Variants in SLC25A42 observed in about 807,000 individuals in gnomAD.
SLC25A42 encodes the protein mitochondrial coenzyme A transporter SLC25A42.
A neutral mutation model predicts 34.7 loss-of-function variants in SLC25A42; 19 were observed. That is an observed-to-expected ratio of 0.55 (90% CI 0.38 to 0.80). The LOEUF is 0.80. Among genes scored for constraint, SLC25A42 ranks in the 30% least tolerant of loss-of-function variants. SLC25A42 has a pLI of 0.00. For missense variants in SLC25A42, 364 were observed against 441.3 expected, an observed-to-expected ratio of 0.82 and a Z score of 1.57; for synonymous variants, 205 against 191.2, an observed-to-expected ratio of 1.07 and a Z score of -0.59.
At chr19:19,091,194 C>T (rs557647232) in intron 1 of SLC25A42, among the ~76,000 whole-genome samples, 3 of 152,166 alleles carry the variant, frequency 2.0e-5, no homozygotes, top group African/African-American at 7.2e-5. Context: ...CGGTGGCTCA[C>T]GCCTGTAATC....
At chr19:19,087,188 A>G (rs1201801677) in intron 1 of SLC25A42, among the ~76,000 whole-genome samples, 2 of 151,892 alleles carry the variant, frequency 1.3e-5, no homozygotes, top group African/African-American at 4.8e-5. Flanking sequence ...CTAATTCCAC[A>G]TATAAATGAG....
At chr19:19,098,962 C>T (rs750582175) in intron 2 of SLC25A42, among the ~76,000 whole-genome samples, 4 of 152,124 alleles carry the variant, frequency 2.6e-5, no homozygotes, top group Admixed American at 6.6e-5. Flanking sequence ...AGGTAACCAC[C>T]GAATGGAGGA....
At chr19:19,093,373 C>T (rs935368839) in intron 1 of SLC25A42, among the ~76,000 whole-genome samples, 5 of 152,218 alleles carry the variant, frequency 3.3e-5, no homozygotes, top group South Asian at 2.1e-4. Context: ...TCCCCGACAC[C>T]GCACACATCT....
intron 2 of SLC25A42, among the ~76,000 whole-genome samples, chr19:19,097,104 C>G (rs1049778397): frequency 1.3e-5 from 2 of 152,168 alleles, no homozygotes; most frequent in African/African-American, 4.8e-5. Context: ...AACCAGAACC[C>G]CCACTGGCCC....
chr19:19,091,648 A>T (rs1010828563), intron 1 of SLC25A42, among the ~76,000 whole-genome samples: 1 of 151,998 alleles, frequency 6.6e-6, no homozygotes, highest in Non-Finnish European at 1.5e-5. Context: ...AGGCTGAGGC[A>T]GGAGGACCAC....
At position 19,089,630 on chromosome 19, in the gene SLC25A42, G is replaced by C. The variant is rs149735642; in HGVS notation, c.-34-6461G>C. Among the ~76,000 whole-genome samples the C allele has an allele frequency of 4.2e-3, 640 of 152,108 alleles. 7 individuals carry two copies. Among genetic ancestry groups the C allele is most frequent in the African/African-American group, 0.015 (618 of 41,500 alleles). ...CACCTGTAATCCCAGCACTTTGGGAGGCCAAGGAGGGTGGATCACCTGAGG... is the reference window on the plus strand; with the variant it reads ...CACCTGTAATCCCAGCACTTTGGGACGCCAAGGAGGGTGGATCACCTGAGG... On this transcript the variant is annotated intron_variant, in intron 1 of 7. Transcript: ENST00000318596.
chr19:19,095,074 G>A (rs1463941348), intron 1 of SLC25A42, among the ~76,000 whole-genome samples: 2 of 152,130 alleles, frequency 1.3e-5, no homozygotes, highest in East Asian at 1.9e-4. Context: ...GGTAGTAAAC[G>A]TCTGTAATCC....
At chr19:19,103,646 C>T (rs1213189043) in intron 3 of SLC25A42, among the ~76,000 whole-genome samples, 1 of 152,194 alleles carries the variant, frequency 6.6e-6, no homozygotes, top group Non-Finnish European at 1.5e-5. Flanking sequence ...CCCCTTCAAA[C>T]AGTTACCAGT....
intron 1 of SLC25A42, among the ~76,000 whole-genome samples, chr19:19,068,440 G>T (rs1282277024): frequency 1.3e-5 from 2 of 151,960 alleles, no homozygotes; most frequent in Non-Finnish European, 2.9e-5. Context: ...GCCGAGGCAG[G>T]TGGATCACTT....
In SLC25A42 at chr19:19,081,965, C is replaced by T. The variant is rs1374201320; in HGVS notation, c.-34-14126C>T. Among the ~76,000 whole-genome samples, 1 of 152,196 alleles carries T rather than the reference C, an allele frequency of 6.6e-6. No homozygotes were observed. Among genetic ancestry groups the T allele is most frequent in the African/African-American group, 2.4e-5 (1 of 41,464 alleles). ...TGGTCACTGGTCGCAAGTCTGGGTA[C>T]ACGTTGTCATGGGAGTGATTGGCCT... On this transcript the variant is annotated intron_variant, in intron 1 of 7. Transcript: ENST00000318596. This position sits in a 1 kb window ranked among gnomAD's most constrained non-coding sequence, Gnocchi z 4.5.
chr19:19,094,057 C>A (rs1191499533), intron 1 of SLC25A42, among the ~76,000 whole-genome samples: 4 of 152,218 alleles, frequency 2.6e-5, no homozygotes, highest in African/African-American at 9.6e-5. Flanking sequence ...GAGGCACATG[C>A]GTCCACCTGA....
At chr19:19,078,574 G>C (rs746889344) in intron 1 of SLC25A42, among the ~76,000 whole-genome samples, 61 of 152,124 alleles carry the variant, frequency 4.0e-4, no homozygotes, top group Non-Finnish European at 7.6e-4. Context: ...TGTACGCAGC[G>C]AGCATGTACG....
At chr19:19,068,259 G>A (rs1477627190) in intron 1 of SLC25A42, among the ~76,000 whole-genome samples, 2 of 151,854 alleles carry the variant, frequency 1.3e-5, no homozygotes, top group African/African-American at 4.8e-5. Context: ...GGAAGCTGAG[G>A]CAGGAGAATT....
chr19:19,069,714 A>C (rs2059619495), intron 1 of SLC25A42, among the ~76,000 whole-genome samples: 1 of 151,794 alleles, frequency 6.6e-6, no homozygotes, highest in African/African-American at 2.4e-5. Flanking sequence ...GAGTGCAGTG[A>C]TATGATCATA....
At chr19:19,064,270 C>T (rs1009678937) in intron 1 of SLC25A42, among the ~76,000 whole-genome samples, 155 bp downstream of exon 1, 12 of 151,358 alleles carry the variant, frequency 7.9e-5, no homozygotes, top group African/African-American at 2.9e-4. Context: ...CAGGTTTGAG[C>T]CCGTCACCCG....
chr19:19,086,156 TATGAGA>T (rs1051883567), intron 1 of SLC25A42, among the ~76,000 whole-genome samples: 1 of 152,178 alleles, frequency 6.6e-6, no homozygotes, highest in Non-Finnish European at 1.5e-5. Flanking sequence ...TTTAGCACTT[TATGAGA>T]GAGAGTCTCG....
Position 19,112,929 on chromosome 19 carries a change from C to G in SLC25A42, c.*2053C>G, listed in dbSNP as rs914727535. On this transcript the variant is annotated 3_prime_UTR_variant, in exon 8 of 8. Coordinates refer to ENST00000318596, the MANE Select transcript of SLC25A42 (RefSeq NM_178526.5). This position sits in a 1 kb window ranked among gnomAD's most constrained non-coding sequence, Gnocchi z 4.3. ...TCTTCTTTGGCTCTGACCGCCCCCC[C>G]ATCTTCCCCCATGAACCCCCAAACA... The G allele has an allele frequency of 6.6e-6, 1 of 152,446 alleles. No individual in the cohort carries two copies. The highest frequency in any genetic ancestry group is 6.6e-5 in the Admixed American group (1 of 15,244). 9.4% of individuals were successfully genotyped at this position (152,446 alleles called of 1,614,324 possible).
rs1483752649 is a variant in SLC25A42, at chr19:19,105,849, C to G, written c.380+122C>G. ...CCCCTAGCCCTGCCTTCCCTCTTCC[C>G]ACAACGAAACACTGGGAGACTCCTC... On this transcript the variant is annotated intron_variant, in intron 5 of 7. Transcript: ENST00000318596. The G allele has an allele frequency of 3.5e-6, 3 of 852,822 alleles. No individual in the cohort carries two copies. The African/African-American group carries it at 5.2e-5, about 15-fold the overall frequency. The allele number at this position is 852,822 out of a possible 1,614,324, so 52.8% of individuals were successfully genotyped here.
chr19:19,066,320 G>A (rs2059601694), intron 1 of SLC25A42, among the ~76,000 whole-genome samples: 1 of 152,162 alleles, frequency 6.6e-6, no homozygotes, highest in Non-Finnish European at 1.5e-5. Context: ...GTGGCAGAAA[G>A]GGGTCGGGGG....
Sources: gnomAD v4.1 joint callset for allele counts (sites outside exome capture counted in the v4.1 genomes callset) on GRCh38, gnomAD v4.1.1 for gene constraint, Gnocchi (gnomAD v3.1) non-coding constraint, MANE v1.5 for transcripts, NCBI Gene and HGNC (gene_info 2026-07-23, HGNC 2026-07-21) for gene names.